Variants in KRAS observed in about 807,000 individuals in gnomAD.
KRAS encodes the protein KRas proto-oncogene, GTPase, also known as GTPase KRas.
KRAS carries 1 observed loss-of-function variant against 21.0 expected under a neutral mutation model. The ratio of observed to expected loss-of-function variants is 0.05; its 90% confidence interval spans 0.02 to 0.23. The LOEUF is 0.23. Among genes scored for constraint, KRAS ranks in the 10% least tolerant of loss-of-function variants. KRAS has a pLI of 1.00. For missense variants in KRAS, 107 were observed against 221.8 expected, an observed-to-expected ratio of 0.48 and a Z score of 3.29; for synonymous variants, 67 against 72.5, an observed-to-expected ratio of 0.92 and a Z score of 0.39.
rs1019797578 is a variant in KRAS, at chr12:25,206,241, A to G, written c.*3554T>C. 4.7e-6 allele frequency: 1 copy of G among 212,968 alleles called. No individual in the cohort carries two copies. The highest frequency in any genetic ancestry group is 9.5e-6 in the Non-Finnish European group (1 of 105,250). The allele number at this position is 212,968 out of a possible 1,614,324, so 13.2% of individuals were successfully genotyped here. A position where few individuals can be genotyped will look rare whatever the true frequency, so the allele number is the denominator to read the frequency against. On this transcript the variant is annotated 3_prime_UTR_variant, in exon 5 of 5. Coordinates refer to ENST00000311936, the MANE Select transcript of KRAS (RefSeq NM_004985.5). Reference sequence around the variant, plus strand: ...GTGACAACAGTTTTGATAACCTATAAAAGTTAGGTTCTAAATTCCTATGCA... The same window carrying G: ...GTGACAACAGTTTTGATAACCTATAGAAGTTAGGTTCTAAATTCCTATGCA...
intron 4 of KRAS, among the ~76,000 whole-genome samples, chr12:25,219,228 G>A (rs368594855): frequency 1.1e-4 from 17 of 152,274 alleles, no homozygotes; most frequent in African/African-American, 4.1e-4. Flanking sequence ...GAGCCACCGT[G>A]CCTAGCCTAC....
At chr12:25,213,501 T>C (rs1197680532) in intron 4 of KRAS, among the ~76,000 whole-genome samples, 3 of 152,236 alleles carry the variant, frequency 2.0e-5, no homozygotes, top group African/African-American at 4.8e-5. Flanking sequence ...TTGCAAAATA[T>C]TGCTTTACAG....
chr12:25,205,690 TG>T lies in KRAS; in HGVS notation c.*4104del, dbSNP rs765395620. 2.4e-4 allele frequency: 53 copies of T among 223,908 alleles called. 1 individual carries two copies. In the East Asian group the frequency reaches 3.1e-3, roughly 13 times the overall value. The allele number at this position is 223,908 out of a possible 1,614,324, so 13.9% of individuals were successfully genotyped here. On this transcript the variant is annotated 3_prime_UTR_variant, in exon 5 of 5. Coordinates refer to ENST00000311936, the MANE Select transcript of KRAS (RefSeq NM_004985.5). ...TAACCCAGTTAGCTCTGTGGGGGTG[TG>T]GGGGGAGAGATGGGCCCTCAACATA...
At chr12:25,234,249 C>G (rs892972945) in intron 2 of KRAS, 15 of 175,084 alleles carry the variant, frequency 8.6e-5, no homozygotes. Context: ...GATTTTAACA[C>G]ATTTATGGGA....
chr12:25,216,802 G>A (rs1951260662), intron 4 of KRAS, among the ~76,000 whole-genome samples: 1 of 152,144 alleles, frequency 6.6e-6, no homozygotes, highest in South Asian at 2.1e-4. Context: ...AGTTAACTGT[G>A]CTGCTAGTTT....
intron 4 of KRAS, among the ~76,000 whole-genome samples, chr12:25,223,156 CT>C (rs1208550818): frequency 1.3e-5 from 2 of 152,018 alleles, no homozygotes; most frequent in African/African-American, 4.8e-5. Context: ...TTTTTCTTTT[CT>C]TTGTGAAATG....
rs1365761412 is a variant in KRAS at position 25,206,242 on chromosome 12, A to AAGTT, written c.*3549_*3552dup. 3 of 212,816 alleles carry AAGTT rather than the reference A, an allele frequency of 1.4e-5. No homozygotes were observed. Among genetic ancestry groups the AAGTT allele is most frequent in the South Asian group, 1.9e-4 (1 of 5,344 alleles). 13.2% of individuals were successfully genotyped at this position (212,816 alleles called of 1,614,324 possible). On this transcript the variant is annotated 3_prime_UTR_variant, in exon 5 of 5. Transcript: ENST00000311936. ...TGACAACAGTTTTGATAACCTATAA[A>AAGTT]AGTTAGGTTCTAAATTCCTATGCAG...
At chr12:25,216,767 A>G (rs2094602548) in intron 4 of KRAS, among the ~76,000 whole-genome samples, 1 of 152,240 alleles carries the variant, frequency 6.6e-6, no homozygotes, top group African/African-American at 2.4e-5. Flanking sequence ...AAAATTAGGC[A>G]GTCATCAAAC....
intron 4 of KRAS, among the ~76,000 whole-genome samples, chr12:25,219,292 GAAC>G (rs1007268584): frequency 8.8e-4 from 134 of 151,906 alleles, no homozygotes; most frequent in African/African-American, 3.1e-3. Flanking sequence ...TAAACTTTAA[GAAC>G]AACTGAAAAT....
intron 1 of KRAS, among the ~76,000 whole-genome samples, chr12:25,247,713 C>T (rs556077861): frequency 1.1e-3 from 164 of 152,256 alleles, no homozygotes; most frequent in African/African-American, 3.9e-3. Context: ...ATGTCCTTTA[C>T]CCTTTTAACT....
In KRAS at chr12:25,208,167, TA is replaced by T. The variant is rs71065923; in HGVS notation, c.*1627del. ...AAATGGAATATAAATTACATAGTTGTAAAAAAAAAAAACTAAGAGTTTGAGA... is the reference window on the plus strand; with the variant it reads ...AAATGGAATATAAATTACATAGTTGTAAAAAAAAAAACTAAGAGTTTGAGA... On this transcript the variant is annotated 3_prime_UTR_variant, in exon 5 of 5. Coordinates refer to ENST00000311936, the MANE Select transcript of KRAS (RefSeq NM_004985.5). The T allele has an allele frequency of 9.6e-4, 212 of 221,058 alleles. No individual in the cohort carries two copies. The highest frequency in any genetic ancestry group is 2.7e-3 in the Middle Eastern group (2 of 746). The allele number at this position is 221,058 out of a possible 1,614,324, so 13.7% of individuals were successfully genotyped here. A position where few individuals can be genotyped will look rare whatever the true frequency, so the allele number is the denominator to read the frequency against.
At chr12:25,223,123 A>G (rs1951348942) in intron 4 of KRAS, among the ~76,000 whole-genome samples, 1 of 152,180 alleles carries the variant, frequency 6.6e-6, no homozygotes, top group African/African-American at 2.4e-5. Flanking sequence ...ACCCCTTAAA[A>G]CATTATGCAA....
intron 2 of KRAS, among the ~76,000 whole-genome samples, chr12:25,231,779 T>C (rs1951474905): frequency 6.6e-6 from 1 of 152,222 alleles, no homozygotes; most frequent in African/African-American, 2.4e-5. Context: ...ACTAGGGTCC[T>C]CACTCTTAGA....
Position 25,209,853 on chromosome 12 carries a change from ATCTTT to A in KRAS, c.504_508del (p.Glu168AspfsTer6). ...TTTCTTCTTTTTACCATCTTTGCTC[ATCTTT>A]TCTTTATGTTTTCGAATTTCTCGAA... On this transcript the variant is annotated frameshift_variant, in exon 5 of 5. Transcript: ENST00000311936. LOFTEE classifies it high-confidence loss of function. 6.2e-7 allele frequency: 1 copy of A among 1,611,268 alleles called. No individual in the cohort carries two copies. The highest frequency in any genetic ancestry group is 8.5e-7 in the Non-Finnish European group (1 of 1,177,930).
Position 25,207,255 on chromosome 12 carries a change from T to G in KRAS, c.*2540A>C. ...AATAAATATTTGCTGAATAAATGAG[T>G]TCTGCAAAACAGGTTTATGAGGCCA... On this transcript the variant is annotated 3_prime_UTR_variant, in exon 5 of 5. Transcript: ENST00000311936. 1 of 201,486 alleles carries G rather than the reference T, an allele frequency of 5.0e-6. No homozygotes were observed. The allele number at this position is 201,486 out of a possible 1,614,324, so 12.5% of individuals were successfully genotyped here.
chr12:25,234,923 CAAAA>C, intron 2 of KRAS: 2 of 253,428 alleles, frequency 7.9e-6, no homozygotes, highest in Non-Finnish European at 1.5e-5. Context: ...TTGTAGTAAA[CAAAA>C]AACCTAAAGA....
intron 2 of KRAS, among the ~76,000 whole-genome samples, chr12:25,229,418 G>C (rs1268822925): frequency 6.6e-6 from 1 of 152,190 alleles, no homozygotes; most frequent in African/African-American, 2.4e-5. Context: ...CAGCCAGATG[G>C]ATATCTCTAA....
chr12:25,233,424 TG>T (rs1951502020), intron 2 of KRAS, among the ~76,000 whole-genome samples: 1 of 152,082 alleles, frequency 6.6e-6, no homozygotes, highest in Non-Finnish European at 1.5e-5. Context: ...TGTGGTAGTG[TG>T]TACCTGTAGT....
At chr12:25,218,611 CTTAG>C (rs1366837830) in intron 4 of KRAS, among the ~76,000 whole-genome samples, 1 of 152,134 alleles carries the variant, frequency 6.6e-6, no homozygotes, top group East Asian at 1.9e-4. Context: ...GTTTTTCAGA[CTTAG>C]TTATTTCTTG....
Sources: gnomAD v4.1 joint callset for allele counts (sites outside exome capture counted in the v4.1 genomes callset) on GRCh38, gnomAD v4.1.1 for gene constraint, MANE v1.5 for transcripts, NCBI Gene and HGNC (gene_info 2026-07-23, HGNC 2026-07-21) for gene names.